UBA5: variants seen among roughly 807,000 people sequenced by gnomAD.
UBA5 encodes ubiquitin like modifier activating enzyme 5.
In UBA5, 28 loss-of-function variants were observed where a neutral mutation model predicts 52.9. That is an observed-to-expected ratio of 0.53 (90% CI 0.39 to 0.73). The LOEUF is 0.73. Ranked by LOEUF, UBA5 falls within the 30% of genes least tolerant of loss-of-function variation. The pLI is 0.00. For synonymous variants in UBA5, 135 were observed against 162.1 expected (o/e 0.83, Z 1.27); for missense variants, 388 against 492.7 (o/e 0.79, Z 2.01).
chr3:132,673,888 C>T lies in UBA5; in HGVS notation c.813-1360C>T, dbSNP rs181526809. Among the ~76,000 whole-genome samples the T allele has an allele frequency of 4.6e-5, 7 of 152,238 alleles. No homozygotes were observed. The East Asian group carries it at 1.4e-3, about 29-fold the overall frequency. On this transcript the variant is annotated intron_variant, in intron 8 of 11. Coordinates refer to ENST00000356232, the MANE Select transcript of UBA5 (RefSeq NM_024818.6). ...CCTTGTTTTCCAGGCTGGTCTTGAA[C>T]TCCTGGGCTCGAGCAGTCTGCCCAT...
chr3:132,656,146 T>C (rs142519080), upstream of UBA5, among the ~76,000 whole-genome samples: 2 of 152,366 alleles, frequency 1.3e-5, no homozygotes, highest in African/African-American at 2.4e-5. Context: ...TTCTGTGTTA[T>C]GTACAGCTGT....
intron 7 of UBA5, 45 bp from the exon 8 acceptor site, chr3:132,672,005 T>C: frequency 1.9e-6 from 3 of 1,610,006 alleles, no homozygotes; most frequent in Non-Finnish European, 2.5e-6. Context: ...GAACATCTCA[T>C]ACTTTTTCTC....
chr3:132,676,780 C>G lies in UBA5; in HGVS notation c.*254C>G, dbSNP rs1452229224. On this transcript the variant is annotated 3_prime_UTR_variant, in exon 12 of 12. Transcript: ENST00000356232. This position sits in a 1 kb window ranked among gnomAD's most constrained non-coding sequence, Gnocchi z 4.1. ...GTAGGATATAAATCTTACTTGAAAA[C>G]ATAGCTGTTGAAATGTTTTGGCCTT... 1 of 530,704 alleles carries G rather than the reference C, an allele frequency of 1.9e-6. No homozygotes were observed. Among genetic ancestry groups the G allele is most frequent in the Non-Finnish European group, 3.6e-6 (1 of 275,894 alleles). 32.9% of individuals were successfully genotyped at this position (530,704 alleles called of 1,614,324 possible). A position where few individuals can be genotyped will look rare whatever the true frequency, so the allele number is the denominator to read the frequency against.
Position 132,673,034 on chromosome 3 carries a change from A to G in UBA5, c.812+857A>G, listed in dbSNP as rs572341014. Among the ~76,000 whole-genome samples, 12 of 152,360 alleles carry G rather than the reference A, an allele frequency of 7.9e-5. No homozygotes were observed. In the South Asian group the frequency reaches 2.5e-3, roughly 32 times the overall value. Reference sequence around the variant, plus strand: ...AGACACAAGGAGGTACCAATCAATAAGAAGTGTCAGTTGCGAGCAAAGAAA... The same window carrying G: ...AGACACAAGGAGGTACCAATCAATAGGAAGTGTCAGTTGCGAGCAAAGAAA... On this transcript the variant is annotated intron_variant, in intron 8 of 11. Coordinates refer to ENST00000356232, the MANE Select transcript of UBA5 (RefSeq NM_024818.6).
At chr3:132,673,917 G>A (rs1300101300) in intron 8 of UBA5, among the ~76,000 whole-genome samples, 3 of 151,954 alleles carry the variant, frequency 2.0e-5, no homozygotes, top group African/African-American at 7.3e-5. Flanking sequence ...TGCCCATATC[G>A]ACCTTCTAAA....
At chr3:132,675,221 T>C in intron 8 of UBA5, 27 bp from the exon 9 acceptor site, 1 of 1,489,630 alleles carries the variant, frequency 6.7e-7, no homozygotes, top group South Asian at 1.3e-5. Flanking sequence ...TAAATTTCTT[T>C]ATTTAAGTCT....
intron 1 of UBA5, among the ~76,000 whole-genome samples, chr3:132,655,229 C>T (rs1200716300): frequency 6.6e-6 from 1 of 152,238 alleles, no homozygotes; most frequent in Non-Finnish European, 1.5e-5. Flanking sequence ...TGCTGGAACA[C>T]TGTAATACAT....
At position 132,660,969 on chromosome 3, in the gene UBA5, C is replaced by G. The variant is rs1938129609; in HGVS notation, c.161+271C>G. 4.7e-6 allele frequency: 7 copies of G among 1,484,996 alleles called. No homozygotes were observed. The East Asian group carries it at 1.9e-4, about 41-fold the overall frequency. 92.0% of individuals were successfully genotyped at this position (1,484,996 alleles called of 1,614,324 possible). A position where few individuals can be genotyped will look rare whatever the true frequency, so the allele number is the denominator to read the frequency against. On this transcript the variant is annotated intron_variant, in intron 1 of 11. Transcript: ENST00000356232. The surrounding 1 kb of genome is among the most constrained non-coding windows in gnomAD (Gnocchi z 4.1). The stretch of plus-strand genomic sequence containing the variant: ...GTCCAGTTTCCTATCACCCTTGCCT[C>G]TTAATTAGTCCGCCTCGCTGTGTAT...
chr3:132,654,759 T>C (rs546639673), intron 1 of UBA5: 1 of 152,400 alleles, frequency 6.6e-6, no homozygotes, highest in East Asian at 1.9e-4. Context: ...CCCTTCTCTA[T>C]TAATGCCTAT....
At chr3:132,656,507 T>C (rs2107911209), upstream of UBA5, among the ~76,000 whole-genome samples, 1 of 151,924 alleles carries the variant, frequency 6.6e-6, no homozygotes, top group Non-Finnish European at 1.5e-5. Flanking sequence ...TTTTTTTTTT[T>C]TTGAGACGGA....
At chr3:132,663,470 C>CTTACTGATTGT (rs1938250013) in intron 1 of UBA5, among the ~76,000 whole-genome samples, 1 of 152,102 alleles carries the variant, frequency 6.6e-6, no homozygotes, top group Admixed American at 6.5e-5. Flanking sequence ...AAACTAAATG[C>CTTACTGATTGT]TTACATACTG....
rs1189517754 is a variant in UBA5 at position 132,660,617 on chromosome 3, TC to T, written c.83del (p.Pro28ArgfsTer16). ...CTTGCCCAGGAGAGGAGTCTGCAGGTCCCGAGGAGCGGCGACGGAGGGGGCG... is the reference window on the plus strand; with the variant it reads ...CTTGCCCAGGAGAGGAGTCTGCAGGTCCGAGGAGCGGCGACGGAGGGGGCG... ...RELAQERSLQVPRSGDGGGGR... is the reference protein window; with the variant it reads ...RELAQERSLQXPRSGDGGGGR... On this transcript the variant is annotated frameshift_variant, in exon 1 of 12. Coordinates refer to ENST00000356232, the MANE Select transcript of UBA5 (RefSeq NM_024818.6). LOFTEE classifies it high-confidence loss of function. The surrounding 1 kb of genome is among the most constrained non-coding windows in gnomAD (Gnocchi z 4.1). 1 of 1,559,768 alleles carries T rather than the reference TC, an allele frequency of 6.4e-7. No individual in the cohort carries two copies. The highest frequency in any genetic ancestry group is 8.7e-7 in the Non-Finnish European group (1 of 1,152,382).
chr3:132,662,766 T>C (rs1012788091), intron 1 of UBA5, among the ~76,000 whole-genome samples: 1 of 152,184 alleles, frequency 6.6e-6, no homozygotes, highest in Admixed American at 6.5e-5. Context: ...GAAAACCTGG[T>C]ATCAAATCCT....
In UBA5 at chr3:132,671,856, T is replaced by A; in HGVS notation, c.659T>A (p.Ile220Asn). 1 of 1,613,514 alleles carries A rather than the reference T, an allele frequency of 6.2e-7. No homozygotes were observed. The highest frequency in any genetic ancestry group is 8.5e-7 in the Non-Finnish European group (1 of 1,179,806). ...NAVSGHIQLI[I>N]PGESACFACA... ...GTTTCAGGGCATATACAGCTTATAATTCCTGGAGAATCTGCTTGTTTTGCG... is the reference window on the plus strand; with the variant it reads ...GTTTCAGGGCATATACAGCTTATAAATCCTGGAGAATCTGCTTGTTTTGCG... Residue 220 changes from isoleucine to asparagine, a missense_variant, in exon 7 of 12, where the codon ATT becomes AAT. Physicochemically the swap from Ile to Asn is moderately radical, Grantham distance 149 (BLOSUM62 -3). Coordinates refer to ENST00000356232, the MANE Select transcript of UBA5 (RefSeq NM_024818.6).
At chr3:132,674,129 T>C (rs913843792) in intron 8 of UBA5, among the ~76,000 whole-genome samples, 12 of 152,174 alleles carry the variant, frequency 7.9e-5, no homozygotes, top group Non-Finnish European at 1.3e-4. Context: ...GTCATTCTGG[T>C]GGGTAAAAAA....
At position 132,675,620 on chromosome 3, in the gene UBA5, C is replaced by T. The variant is rs766063059; in HGVS notation, c.964C>T (p.Leu322=). Residue 322 remains leucine (L), a synonymous_variant, in exon 10 of 12, where the codon CTG becomes TTG. Transcript: ENST00000356232. ...QEEYKKKVAA[L]PKQEVIQEEE... ...ATTTCTACAGAAAAAGGTAGCAGCA[C>T]TGCCTAAACAAGAGGTTATACAAGA... The T allele has an allele frequency of 6.2e-7, 1 of 1,612,564 alleles. No individual in the cohort carries two copies. The highest frequency in any genetic ancestry group is 8.5e-7 in the Non-Finnish European group (1 of 1,179,206).
chr3:132,669,250 A>G (rs1369633129), intron 4 of UBA5, among the ~76,000 whole-genome samples: 2 of 152,118 alleles, frequency 1.3e-5, no homozygotes, highest in African/African-American at 2.4e-5. Flanking sequence ...AATTTCATAC[A>G]ATTTTTAATT....
upstream of UBA5, among the ~76,000 whole-genome samples, chr3:132,656,337 T>C (rs1271032177): frequency 6.6e-6 from 1 of 152,208 alleles, no homozygotes; most frequent in African/African-American, 2.4e-5. Context: ...CTCAGGAGTA[T>C]GTATCTATGA....
In UBA5 at chr3:132,660,499, A is replaced by G. The variant is rs1938090304; in HGVS notation, c.-39A>G. Reference sequence around the variant, plus strand: ...CAACGTGGGGCGAAGGCGGCGGCGAAGGCCCGGGCTGGGAGCGTTGGCGGC... The same window carrying G: ...CAACGTGGGGCGAAGGCGGCGGCGAGGGCCCGGGCTGGGAGCGTTGGCGGC... On this transcript the variant is annotated 5_prime_UTR_variant, in exon 1 of 12. Coordinates refer to ENST00000356232, the MANE Select transcript of UBA5 (RefSeq NM_024818.6). This position sits in a 1 kb window ranked among gnomAD's most constrained non-coding sequence, Gnocchi z 4.1. The G allele has an allele frequency of 1.9e-6, 3 of 1,544,028 alleles. No homozygotes were observed. The highest frequency in any genetic ancestry group is 2.6e-6 in the Non-Finnish European group (3 of 1,145,698).
Sources: gnomAD v4.1 joint callset for allele counts (sites outside exome capture counted in the v4.1 genomes callset) on GRCh38, gnomAD v4.1.1 for gene constraint, Gnocchi (gnomAD v3.1) non-coding constraint, MANE v1.5 for transcripts, NCBI Gene and HGNC (gene_info 2026-07-23, HGNC 2026-07-21) for gene names.